Variants in CHRM2 observed in about 807,000 individuals in gnomAD.
The protein encoded by CHRM2 is cholinergic receptor muscarinic 2.
In CHRM2, 8 loss-of-function variants were observed where a neutral mutation model predicts 25.0. The observed-to-expected ratio is 0.32, with a 90% CI of 0.19 to 0.58. The LOEUF (loss-of-function observed/expected upper bound fraction) is 0.58. Ranked by LOEUF, CHRM2 falls within the 20% of genes least tolerant of loss-of-function variation. The pLI is 0.88. For synonymous variants in CHRM2, 202 were observed against 205.7 expected, an observed-to-expected ratio of 0.98 and a Z score of 0.15; for missense variants, 440 against 567.1, an observed-to-expected ratio of 0.78 and a Z score of 2.28.
chr7:136,879,621 C>A lies in CHRM2; in HGVS notation c.-125+10203C>A, dbSNP rs374812474. Among the ~76,000 whole-genome samples, 6 of 152,062 alleles carry A rather than the reference C, an allele frequency of 3.9e-5. No individual in the cohort carries two copies. The East Asian group carries it at 7.7e-4, about 20-fold the overall frequency. On this transcript the variant is annotated intron_variant, in intron 2 of 3. Coordinates refer to ENST00000680005, the MANE Select transcript of CHRM2 (RefSeq NM_001006630.2). Reference sequence around the variant, plus strand: ...ACTGACACTTTTAATCAAGGATTATCTTTCACAGGGGAGCTGTAACAGGGC... The same window carrying A: ...ACTGACACTTTTAATCAAGGATTATATTTCACAGGGGAGCTGTAACAGGGC...
chr7:136,884,384 G>C (rs891150412), intron 2 of CHRM2, among the ~76,000 whole-genome samples: 1 of 151,960 alleles, frequency 6.6e-6, no homozygotes, highest in Admixed American at 6.6e-5. Context: ...TCCTAATTCT[G>C]TCAAAGTGTT....
chr7:136,872,315 A>G (rs959562580), intron 2 of CHRM2, among the ~76,000 whole-genome samples: 3 of 152,200 alleles, frequency 2.0e-5, no homozygotes, highest in Non-Finnish European at 4.4e-5. Context: ...TCAGCTCTCA[A>G]CTAACTTCAG....
intron 2 of CHRM2, among the ~76,000 whole-genome samples, chr7:136,952,684 T>C (rs978194619): frequency 1.3e-5 from 2 of 152,158 alleles, no homozygotes; most frequent in East Asian, 3.9e-4. Flanking sequence ...TTAAGCCTAA[T>C]ACCCATTAGT....
At chr7:136,999,618 A>T (rs368952213) in intron 3 of CHRM2, among the ~76,000 whole-genome samples, 1 of 151,914 alleles carries the variant, frequency 6.6e-6, no homozygotes, top group African/African-American at 2.4e-5. Context: ...TCATTGTTCA[A>T]TTCCCACCTA....
At chr7:136,910,418 G>A (rs1797779729) in intron 2 of CHRM2, among the ~76,000 whole-genome samples, 1 of 151,810 alleles carries the variant, frequency 6.6e-6, no homozygotes, top group Non-Finnish European at 1.5e-5. Context: ...TCTCTGACAG[G>A]ATTTTGAATA....
At chr7:137,000,592 G>GAA (rs71176364) in intron 3 of CHRM2, among the ~76,000 whole-genome samples, 5 of 147,676 alleles carry the variant, frequency 3.4e-5, no homozygotes, top group Admixed American at 6.8e-5. Context: ...AGGAAGGAAG[G>GAA]GAAAAAAAGC....
At chr7:136,961,147 C>T (rs1727367384) in intron 2 of CHRM2, among the ~76,000 whole-genome samples, 3 of 151,944 alleles carry the variant, frequency 2.0e-5, no homozygotes, top group Middle Eastern at 3.4e-3. Context: ...ATTAAAAAAA[C>T]CATATGCATT....
At chr7:136,963,517 G>A (rs1488080347) in intron 2 of CHRM2, among the ~76,000 whole-genome samples, 2 of 152,152 alleles carry the variant, frequency 1.3e-5, no homozygotes, top group African/African-American at 4.8e-5. Context: ...GGGCTCTAGG[G>A]TTTCAGATGG....
rs199519954 is a variant in CHRM2, at chr7:136,969,215, GA to G, written c.-124-22964del. Among the ~76,000 whole-genome samples, 284 of 151,672 alleles carry G rather than the reference GA, an allele frequency of 1.9e-3. 1 individual carries two copies. The highest frequency in any genetic ancestry group is 6.7e-3 in the African/African-American group (278 of 41,348). ...AGACAACATGGTGAAATTCATATTG[GA>G]AAAAAAATAACTTGTTAATAATTAG... is the stretch of plus-strand genomic sequence containing the variant. On this transcript the variant is annotated intron_variant, in intron 2 of 3. Transcript: ENST00000680005.
intron 2 of CHRM2, among the ~76,000 whole-genome samples, chr7:136,987,608 CTG>C (rs1802944768): frequency 6.6e-6 from 1 of 152,224 alleles, no homozygotes; most frequent in Non-Finnish European, 1.5e-5. Flanking sequence ...TCATCTGCCA[CTG>C]TGCTTCACAC....
At position 136,935,926 on chromosome 7, in the gene CHRM2, C is replaced by T. The variant is rs906995302; in HGVS notation, c.-124-56261C>T. ...TACCATTAACTGTCAGTGATACTTA[C>T]ATTAAAAATACACTACAGTTCCTCC... On this transcript the variant is annotated intron_variant, in intron 2 of 3. Coordinates refer to ENST00000680005, the MANE Select transcript of CHRM2 (RefSeq NM_001006630.2). Among the ~76,000 whole-genome samples, 5 of 152,276 alleles carry T rather than the reference C, an allele frequency of 3.3e-5. No individual in the cohort carries two copies. The East Asian group carries it at 7.7e-4, about 24-fold the overall frequency.
chr7:136,927,689 A>G (rs1798828177), intron 2 of CHRM2, among the ~76,000 whole-genome samples: 1 of 152,242 alleles, frequency 6.6e-6, no homozygotes, highest in African/African-American at 2.4e-5. Context: ...GTTTTATTCA[A>G]ATGACAAGTT....
At chr7:136,981,798 C>T (rs1802506810) in intron 2 of CHRM2, among the ~76,000 whole-genome samples, 1 of 152,118 alleles carries the variant, frequency 6.6e-6, no homozygotes. Context: ...TTTGATTGCA[C>T]TGTGGTCTGA....
intron 2 of CHRM2, among the ~76,000 whole-genome samples, chr7:136,919,327 C>A (rs1312273108): frequency 6.6e-6 from 1 of 152,042 alleles, no homozygotes; most frequent in Non-Finnish European, 1.5e-5. Context: ...AGAAGTACTT[C>A]TTTACATGTT....
Position 137,019,510 on chromosome 7 carries a change from C to CA in CHRM2, c.*3245dup, listed in dbSNP as rs1205557984. On this transcript the variant is annotated 3_prime_UTR_variant, in exon 4 of 4. Coordinates refer to ENST00000680005, the MANE Select transcript of CHRM2 (RefSeq NM_001006630.2). ...TTCAAAAAATATTAAGAGCCTCTTT[C>CA]AGAAACAATATCATTTATCTTCTTT... 11 of 151,804 alleles carry CA rather than the reference C, an allele frequency of 7.2e-5. No homozygotes were observed. The highest frequency in any genetic ancestry group is 1.6e-4 in the Non-Finnish European group (11 of 67,880). 9.4% of individuals were successfully genotyped at this position (151,804 alleles called of 1,614,324 possible).
At chr7:136,987,499 T>G (rs1253998493) in intron 2 of CHRM2, among the ~76,000 whole-genome samples, 4 of 152,202 alleles carry the variant, frequency 2.6e-5, no homozygotes, top group Admixed American at 2.6e-4. Context: ...TCCCTACTAG[T>G]CATTTGATTA....
chr7:136,869,851 C>T lies in CHRM2; in HGVS notation c.-125+433C>T, dbSNP rs1248095045. 6.6e-6 allele frequency: 1 copy of T among 152,528 alleles called. No individual in the cohort carries two copies. 9.4% of individuals were successfully genotyped at this position (152,528 alleles called of 1,614,324 possible). On this transcript the variant is annotated intron_variant, in intron 2 of 3. Transcript: ENST00000680005. The surrounding 1 kb of genome is among the most constrained non-coding windows in gnomAD (Gnocchi z 4.9). ...GGAGAGCTTCGTCCCTCCCGCCCCT[C>T]GGGTTCCTTCCTGCTGGGGTCTGAC... is the stretch of plus-strand genomic sequence containing the variant.
chr7:136,887,950 G>C (rs528118857), intron 2 of CHRM2, among the ~76,000 whole-genome samples: 71 of 152,028 alleles, frequency 4.7e-4, no homozygotes, highest in African/African-American at 1.7e-3. Flanking sequence ...ACCTCAGCTC[G>C]GGAATCTTTG....
chr7:136,981,131 G>A (rs1238865257), intron 2 of CHRM2, among the ~76,000 whole-genome samples: 2 of 152,144 alleles, frequency 1.3e-5, no homozygotes, highest in Non-Finnish European at 2.9e-5. Flanking sequence ...CTTGTTACTG[G>A]TCTATTCAGG....
Sources: gnomAD v4.1 joint callset for allele counts (sites outside exome capture counted in the v4.1 genomes callset) on GRCh38, gnomAD v4.1.1 for gene constraint, Gnocchi (gnomAD v3.1) non-coding constraint, MANE v1.5 for transcripts, NCBI Gene and HGNC (gene_info 2026-07-23, HGNC 2026-07-21) for gene names.